ROBO2: variants seen among roughly 807,000 people sequenced by gnomAD.
ROBO2 encodes roundabout guidance receptor 2.
Under a neutral mutation model 160.8 loss-of-function variants are expected in ROBO2, and 53 were observed. That is an observed-to-expected ratio of 0.33 (90% CI 0.26 to 0.41). ROBO2 has a LOEUF of 0.41. Among genes scored for constraint, ROBO2 ranks in the 10% least tolerant of loss-of-function variants. The pLI, the probability that ROBO2 is intolerant of heterozygous loss-of-function variation, is 1.00. For missense variants in ROBO2, 1,577 were observed against 1,722.4 expected, an observed-to-expected ratio of 0.92 and a Z score of 1.49; for synonymous variants, 664 against 611.7, an observed-to-expected ratio of 1.09 and a Z score of -1.26.
chr3:75,977,291 C>T (rs1489250641), intron 2 of ROBO2, among the ~76,000 whole-genome samples: 1 of 151,418 alleles, frequency 6.6e-6, no homozygotes, highest in East Asian at 2.0e-4. Context: ...ATACACCAAA[C>T]ACATAGCTAA....
chr3:77,348,994 C>T (rs760384483), intron 2 of ROBO2, among the ~76,000 whole-genome samples: 6 of 152,070 alleles, frequency 3.9e-5, no homozygotes, highest in Admixed American at 6.6e-5. Flanking sequence ...TTGCAATCCC[C>T]GCCTGCACCT....
intron 2 of ROBO2, among the ~76,000 whole-genome samples, chr3:76,549,442 A>G (rs926774115): frequency 6.6e-6 from 1 of 152,208 alleles, no homozygotes; most frequent in African/African-American, 2.4e-5. Flanking sequence ...GTCAATGCCC[A>G]GTGCAACGGC....
intron 2 of ROBO2, among the ~76,000 whole-genome samples, chr3:76,728,562 T>G (rs900794361): frequency 6.6e-6 from 1 of 152,190 alleles, no homozygotes; most frequent in Non-Finnish European, 1.5e-5. Context: ...TCCTGTCAGT[T>G]CTATAAAACA....
intron 2 of ROBO2, among the ~76,000 whole-genome samples, chr3:76,341,530 A>G (rs2074231536): frequency 6.7e-6 from 1 of 149,886 alleles, no homozygotes; most frequent in Non-Finnish European, 1.5e-5. Context: ...ATGTGTTGAT[A>G]TTTTCCCTTG....
chr3:76,930,584 A>G (rs530007657), intron 2 of ROBO2, among the ~76,000 whole-genome samples: 21 of 152,276 alleles, frequency 1.4e-4, no homozygotes, highest in African/African-American at 4.6e-4. Flanking sequence ...TATATACAAG[A>G]CATTTATTAT....
At chr3:76,448,228 A>G (rs2077299030) in intron 2 of ROBO2, among the ~76,000 whole-genome samples, 1 of 152,128 alleles carries the variant, frequency 6.6e-6, no homozygotes, top group Non-Finnish European at 1.5e-5. Context: ...TATGTAAGGT[A>G]GCAAATTTAA....
chr3:77,457,991 T>G (rs1376380971), intron 2 of ROBO2, among the ~76,000 whole-genome samples: 1 of 152,160 alleles, frequency 6.6e-6, no homozygotes, highest in Non-Finnish European at 1.5e-5. Context: ...TATTTGATTA[T>G]GCAAAACCAT....
At chr3:77,543,304 A>G (rs955339275) in intron 6 of ROBO2, among the ~76,000 whole-genome samples, 4 of 152,184 alleles carry the variant, frequency 2.6e-5, no homozygotes, top group Admixed American at 6.6e-5. Flanking sequence ...CCTCTGCCAC[A>G]GGGCAAGAAC....
At chr3:76,127,271 C>T (rs538886479) in intron 2 of ROBO2, among the ~76,000 whole-genome samples, 17 of 152,094 alleles carry the variant, frequency 1.1e-4, no homozygotes, top group African/African-American at 3.4e-4. Flanking sequence ...GGAAAATTTG[C>T]ACTCTAACTT....
intron 2 of ROBO2, among the ~76,000 whole-genome samples, chr3:76,211,032 G>A (rs1054031800): frequency 2.5e-4 from 38 of 151,932 alleles, no homozygotes; most frequent in Non-Finnish European, 3.5e-4. Flanking sequence ...AATGAGTGAC[G>A]TAGAAAAAAA....
At chr3:76,664,160 G>A (rs72888324) in intron 2 of ROBO2, among the ~76,000 whole-genome samples, 4,372 of 152,226 alleles carry the variant, frequency 0.029, 207 homozygotes, top group African/African-American at 0.098. Context: ...AGGCAACATT[G>A]TGTAAAAGGG....
chr3:76,754,911 T>C (rs1418508917), intron 2 of ROBO2, among the ~76,000 whole-genome samples: 1 of 151,934 alleles, frequency 6.6e-6, no homozygotes, highest in Non-Finnish European at 1.5e-5. Flanking sequence ...ATGTATGCAT[T>C]GTGAATTCTA....
chr3:77,546,301 T>C, intron 6 of ROBO2, 37 bp from the exon 8 acceptor site: 1 of 1,610,088 alleles, frequency 6.2e-7, no homozygotes, highest in South Asian at 1.1e-5. Flanking sequence ...TTGTCTATGG[T>C]TGATATTTAC....
At chr3:76,631,933 A>T (rs1168736184) in intron 2 of ROBO2, among the ~76,000 whole-genome samples, 1 of 152,240 alleles carries the variant, frequency 6.6e-6, no homozygotes, top group Non-Finnish European at 1.5e-5. Flanking sequence ...TTTGGATTAA[A>T]ATAATAAGGC....
chr3:76,064,043 C>A (rs541324863), intron 2 of ROBO2, among the ~76,000 whole-genome samples: 1 of 152,232 alleles, frequency 6.6e-6, no homozygotes, highest in African/African-American at 2.4e-5. Context: ...GAAACAGGGA[C>A]GTTAGTCCTC....
chr3:75,953,699 G>A (rs566918336), intron 2 of ROBO2, among the ~76,000 whole-genome samples: 1 of 151,858 alleles, frequency 6.6e-6, no homozygotes, highest in Non-Finnish European at 1.5e-5. Flanking sequence ...AAGTTTAGAA[G>A]CTCTCACCTC....
intron 2 of ROBO2, among the ~76,000 whole-genome samples, chr3:76,302,096 G>A (rs999727291): frequency 4.6e-5 from 7 of 151,918 alleles, no homozygotes; most frequent in Non-Finnish European, 7.4e-5. Flanking sequence ...ATATTGTAGT[G>A]TCCACTTTTT....
chr3:76,787,689 T>C (rs1159473052), intron 2 of ROBO2, among the ~76,000 whole-genome samples: 1 of 151,490 alleles, frequency 6.6e-6, no homozygotes, highest in Non-Finnish European at 1.5e-5. Flanking sequence ...TTAGCTCATC[T>C]ACCAGCCATT....
chr3:76,431,463 T>G (rs565694265), intron 2 of ROBO2, among the ~76,000 whole-genome samples: 1 of 152,106 alleles, frequency 6.6e-6, no homozygotes, highest in African/African-American at 2.4e-5. Context: ...TGTAGTATGG[T>G]TGAATAAAAC....
Sources: gnomAD v4.1 joint callset for allele counts (sites outside exome capture counted in the v4.1 genomes callset) on GRCh38, gnomAD v4.1.1 for gene constraint, MANE v1.5 for transcripts, NCBI Gene and HGNC (gene_info 2026-07-23, HGNC 2026-07-21) for gene names.